Variants in NRG1 observed in about 807,000 individuals in gnomAD.
NRG1 encodes the protein neuregulin 1.
A neutral mutation model predicts 63.8 loss-of-function variants in NRG1; 18 were observed. The ratio of observed to expected loss-of-function variants is 0.28; its 90% confidence interval spans 0.19 to 0.42. The LOEUF is 0.42. Among genes scored for constraint, NRG1 ranks in the 10% least tolerant of loss-of-function variants. The pLI is 1.00. For missense variants in NRG1, 762 were observed against 814.7 expected (o/e 0.94, Z 0.79); for synonymous variants, 302 against 301.3 (o/e 1.00, Z -0.02).
At chr8:31,719,107 G>A (rs991625958) in intron 1 of NRG1, among the ~76,000 whole-genome samples, 3 of 152,106 alleles carry the variant, frequency 2.0e-5, no homozygotes, top group East Asian at 3.9e-4. Flanking sequence ...TCATTTCCCC[G>A]GGTAATCTGG....
rs575401340 is a variant in NRG1 at position 32,343,386 on chromosome 8, C to T, written c.38-252442C>T. On this transcript the variant is annotated intron_variant, in intron 1 of 10. Transcript: ENST00000519301. ...GAGTCAGGATTAGTTGATATTTTTA[C>T]ACCTTCAAATTTATAAACCTAGTAT... Among the ~76,000 whole-genome samples the T allele has an allele frequency of 8.9e-4, 135 of 152,288 alleles. 1 individual carries two copies. The highest frequency in any genetic ancestry group is 1.2e-3 in the Non-Finnish European group (82 of 68,026).
chr8:32,473,741 G>C (rs1252615276), intron 1 of NRG1, among the ~76,000 whole-genome samples: 1 of 152,034 alleles, frequency 6.6e-6, no homozygotes, highest in Non-Finnish European at 1.5e-5. Context: ...TGGAGTGCAG[G>C]GACATAATCA....
At chr8:31,757,408 T>TA (rs563854105) in intron 1 of NRG1, among the ~76,000 whole-genome samples, 8 of 152,168 alleles carry the variant, frequency 5.3e-5, no homozygotes, top group Admixed American at 3.9e-4. Flanking sequence ...TCACATTGGC[T>TA]AAAAAAACAA....
chr8:32,616,931 AC>A, intron 5 of NRG1, 46 bp downstream of exon 5: 1 of 1,383,876 alleles, frequency 7.2e-7, no homozygotes, highest in Non-Finnish European at 1.0e-6. Flanking sequence ...AACCCAAGGC[AC>A]TATCTGCTTT....
chr8:32,454,986 TAC>T (rs1176208433), intron 1 of NRG1, among the ~76,000 whole-genome samples: 4 of 152,322 alleles, frequency 2.6e-5, no homozygotes, highest in Admixed American at 2.0e-4. Context: ...TAGTGCTCAG[TAC>T]AGTGACTTGC....
intron 1 of NRG1, among the ~76,000 whole-genome samples, chr8:32,026,613 G>A (rs1228693305): frequency 6.6e-6 from 1 of 152,046 alleles, no homozygotes; most frequent in African/African-American, 2.4e-5. Context: ...CCGTATAGGC[G>A]ATTGGCTTTT....
chr8:31,699,741 C>T (rs1810448053), intron 1 of NRG1, among the ~76,000 whole-genome samples: 1 of 151,876 alleles, frequency 6.6e-6, no homozygotes, highest in Non-Finnish European at 1.5e-5. Context: ...TTTTAATTGT[C>T]AGTTCTAATT....
chr8:32,179,891 CT>C (rs540991985), intron 1 of NRG1, among the ~76,000 whole-genome samples: 6 of 151,246 alleles, frequency 4.0e-5, no homozygotes, highest in African/African-American at 7.3e-5. Flanking sequence ...ATTTTTAAAT[CT>C]TTTTTTTTCA....
chr8:32,613,389 G>A lies in NRG1; in HGVS notation c.401-1125G>A, dbSNP rs186017576. 3.3e-3 allele frequency among the ~76,000 whole-genome samples: 506 copies of A among 152,100 alleles called. 5 individuals are homozygous for A. The highest frequency in any genetic ancestry group is 3.0e-3 in the Non-Finnish European group (206 of 67,960). On this transcript the variant is annotated intron_variant, in intron 3 of 11. Coordinates refer to ENST00000356819, the Ensembl canonical transcript of NRG1. The stretch of plus-strand genomic sequence containing the variant: ...CACAAAATCTTTTGTCCCTAGAGAA[G>A]CTTCAGAGTTTGAAGAAATATTGGC...
chr8:32,728,212 G>A, intron 6 of NRG1, 134 bp downstream of exon 6: 1 of 1,482,026 alleles, frequency 6.7e-7, no homozygotes, highest in Non-Finnish European at 9.0e-7. Context: ...TATATGTAGA[G>A]TGTTTTAAAA....
At chr8:31,941,238 T>A (rs1243879903) in intron 1 of NRG1, among the ~76,000 whole-genome samples, 1 of 152,104 alleles carries the variant, frequency 6.6e-6, no homozygotes, top group African/African-American at 2.4e-5. Flanking sequence ...CAGGGATGGT[T>A]TAACATAGGC....
intron 1 of NRG1, among the ~76,000 whole-genome samples, chr8:31,849,988 A>C (rs1827058497): frequency 6.6e-6 from 1 of 152,176 alleles, no homozygotes; most frequent in Non-Finnish European, 1.5e-5. Flanking sequence ...AAAATATAGA[A>C]GTGTTCAAAA....
At chr8:32,488,128 C>T (rs899113135) in intron 1 of NRG1, among the ~76,000 whole-genome samples, 12 of 152,202 alleles carry the variant, frequency 7.9e-5, no homozygotes, top group Admixed American at 2.0e-4. Flanking sequence ...TGGTTTTAAT[C>T]TCAGACCTTG....
At chr8:32,064,996 G>A (rs1026865309) in intron 1 of NRG1, among the ~76,000 whole-genome samples, 1 of 151,916 alleles carries the variant, frequency 6.6e-6, no homozygotes, top group East Asian at 1.9e-4. Flanking sequence ...ATTACATTGG[G>A]GGATAGTCTT....
chr8:32,440,680 T>C (rs1448425513), intron 1 of NRG1: 1 of 152,154 alleles, frequency 6.6e-6, no homozygotes, highest in African/African-American at 2.4e-5. Flanking sequence ...CACATCATCA[T>C]AGTTGTTTCC....
intron 1 of NRG1, among the ~76,000 whole-genome samples, chr8:32,527,766 C>T (rs541210806): frequency 2.5e-4 from 38 of 152,162 alleles, no homozygotes; most frequent in Non-Finnish European, 4.9e-4. Context: ...CAAACTGATG[C>T]CCATTTCAAT....
intron 1 of NRG1, chr8:32,026,249 T>C (rs1817358488): frequency 6.6e-6 from 1 of 151,770 alleles, no homozygotes; most frequent in Non-Finnish European, 1.5e-5. Flanking sequence ...CATTTCCCAG[T>C]TGACTACTAC....
At chr8:32,772,900 A>T (rs958161982), downstream of NRG1, among the ~76,000 whole-genome samples, 12 of 152,110 alleles carry the variant, frequency 7.9e-5, no homozygotes, top group African/African-American at 2.9e-4. Context: ...CAACGAGATG[A>T]TTCTGCCCTC....
At chr8:32,411,197 G>A (rs559186104) in intron 1 of NRG1, among the ~76,000 whole-genome samples, 2 of 152,018 alleles carry the variant, frequency 1.3e-5, no homozygotes, top group African/African-American at 2.4e-5. Context: ...TATCAGATGA[G>A]GAACTAGAGA....
Sources: allele counts gnomAD v4.1 joint callset (sites outside exome capture counted in the v4.1 genomes callset), GRCh38; gene constraint gnomAD v4.1.1; transcripts MANE v1.5; gene names NCBI Gene and HGNC (gene_info 2026-07-23, HGNC 2026-07-21).